The following SNTG1 variants were observed in gnomAD, a reference collection of about 807,000 sequenced individuals.
SNTG1 encodes syntrophin gamma 1.
Under a neutral mutation model 74.7 loss-of-function variants are expected in SNTG1, and 39 were observed. That is an observed-to-expected ratio of 0.52 (90% CI 0.40 to 0.68). The LOEUF is 0.68. Ranked by LOEUF, SNTG1 falls within the 30% of genes least tolerant of loss-of-function variation. The probability of loss-of-function intolerance (pLI) is 0.00; values close to 1 mark genes in which losing one functional copy is unlikely to be tolerated. For synonymous variants in SNTG1, 254 were observed against 217.1 expected (o/e 1.17, Z -1.49); for missense variants, 685 against 609.5 (o/e 1.12, Z -1.30).
intron 15 of SNTG1, among the ~76,000 whole-genome samples, chr8:50,689,089 A>T (rs6983779): frequency 7.2e-6 from 1 of 138,460 alleles, no homozygotes; most frequent in South Asian, 2.6e-4. Flanking sequence ...AATGTTTGTG[A>T]ACATTGATTT....
At chr8:50,302,108 C>G (rs1219376981) in intron 2 of SNTG1, among the ~76,000 whole-genome samples, 1 of 152,090 alleles carries the variant, frequency 6.6e-6, no homozygotes, top group African/African-American at 2.4e-5. Context: ...TTTAAGCATG[C>G]TTTCCAGGGA....
At chr8:50,132,210 GAA>G (rs888462768) in intron 1 of SNTG1, among the ~76,000 whole-genome samples, 15 of 151,994 alleles carry the variant, frequency 9.9e-5, no homozygotes, top group African/African-American at 3.1e-4. Context: ...CTATTTCTGT[GAA>G]AAAGTCATAT....
chr8:50,152,320 C>G (rs201652696), intron 1 of SNTG1, among the ~76,000 whole-genome samples: 1 of 152,198 alleles, frequency 6.6e-6, no homozygotes, highest in African/African-American at 2.4e-5. Flanking sequence ...TGAGATGGGT[C>G]TCCTGAATAC....
intron 1 of SNTG1, among the ~76,000 whole-genome samples, chr8:49,928,224 G>GT (rs1226680694): frequency 1.5e-4 from 7 of 45,422 alleles, no homozygotes; most frequent in Non-Finnish European, 2.8e-4. Flanking sequence ...TGTCCATGCA[G>GT]TTTTTTTGTT....
chr8:50,134,255 G>A (rs1052416281), intron 1 of SNTG1, among the ~76,000 whole-genome samples: 1 of 152,172 alleles, frequency 6.6e-6, no homozygotes, highest in Non-Finnish European at 1.5e-5. Context: ...TATAGCAAGA[G>A]CACTGAAAGT....
At chr8:50,178,866 T>A (rs1266654610) in intron 2 of SNTG1, among the ~76,000 whole-genome samples, 1 of 152,234 alleles carries the variant, frequency 6.6e-6, no homozygotes, top group Non-Finnish European at 1.5e-5. Context: ...TGCTTATTTT[T>A]ACTTTTGCTG....
chr8:50,781,470 G>C (rs543124376), intron 18 of SNTG1, among the ~76,000 whole-genome samples: 110 of 140,902 alleles, frequency 7.8e-4, no homozygotes, highest in Non-Finnish European at 1.6e-3. Flanking sequence ...GGCCTTCTTT[G>C]TCTCTTTTGA....
chr8:49,967,486 T>C (rs1811251756), intron 1 of SNTG1, among the ~76,000 whole-genome samples: 2 of 152,226 alleles, frequency 1.3e-5, no homozygotes, highest in African/African-American at 4.8e-5. Context: ...GTGATGCAAG[T>C]TTTTCATCTG....
intron 2 of SNTG1, among the ~76,000 whole-genome samples, chr8:50,230,710 G>T (rs1285124284): frequency 6.6e-6 from 1 of 151,180 alleles, no homozygotes; most frequent in Non-Finnish European, 1.5e-5. Context: ...CAAAAAATCA[G>T]CCTGGACCCT....
At chr8:50,014,411 C>T (rs752482963) in intron 1 of SNTG1, among the ~76,000 whole-genome samples, 23 of 151,634 alleles carry the variant, frequency 1.5e-4, no homozygotes, top group Non-Finnish European at 2.4e-4. Flanking sequence ...GTTGGGAAAA[C>T]GGAGCCTGGC....
intron 17 of SNTG1, among the ~76,000 whole-genome samples, chr8:50,743,978 G>C (rs1194418348): frequency 2.1e-5 from 3 of 141,398 alleles, no homozygotes; most frequent in Non-Finnish European, 4.5e-5. Flanking sequence ...GAGAGAGAGA[G>C]AGGAGGTGAC....
At chr8:50,008,702 C>T (rs1474205542) in intron 1 of SNTG1, among the ~76,000 whole-genome samples, 2 of 152,130 alleles carry the variant, frequency 1.3e-5, no homozygotes, top group Non-Finnish European at 2.9e-5. Context: ...TGATTTAATC[C>T]TTCCTACAGC....
intron 13 of SNTG1, among the ~76,000 whole-genome samples, chr8:50,617,839 C>G (rs191977469): frequency 6.6e-6 from 1 of 152,172 alleles, no homozygotes; most frequent in South Asian, 2.1e-4. Flanking sequence ...ATACCATAAC[C>G]GATTAGGTCA....
intron 2 of SNTG1, among the ~76,000 whole-genome samples, chr8:50,264,805 T>C (rs1700125698): frequency 6.6e-6 from 1 of 152,022 alleles, no homozygotes; most frequent in African/African-American, 2.4e-5. Context: ...GAGAACATCA[T>C]TACTGAGCTT....
intron 18 of SNTG1, among the ~76,000 whole-genome samples, chr8:50,759,528 G>T (rs1440435949): frequency 6.6e-6 from 1 of 151,932 alleles, no homozygotes; most frequent in Non-Finnish European, 1.5e-5. Flanking sequence ...TCTGCATATG[G>T]CTAGCCAGTT....
chr8:50,118,475 G>T (rs1476537383), intron 1 of SNTG1, among the ~76,000 whole-genome samples: 11 of 152,138 alleles, frequency 7.2e-5, no homozygotes, highest in Non-Finnish European at 1.2e-4. Flanking sequence ...GTCCCTATGA[G>T]GTAGATAATA....
intron 1 of SNTG1, among the ~76,000 whole-genome samples, chr8:49,991,882 G>A (rs568372899): frequency 1.4e-4 from 22 of 152,242 alleles, no homozygotes; most frequent in African/African-American, 5.1e-4. Context: ...TAGCTGTGAT[G>A]TTTGCACAAC....
intron 2 of SNTG1, among the ~76,000 whole-genome samples, chr8:50,296,957 G>A (rs1398919746): frequency 6.6e-6 from 1 of 152,134 alleles, no homozygotes. Flanking sequence ...CTGGAGATTT[G>A]TTGTTCATCA....
chr8:50,402,165 C>G, intron 3 of SNTG1, 45 bp from the exon 4 acceptor site: 1 of 1,570,486 alleles, frequency 6.4e-7, no homozygotes, highest in Admixed American at 2.0e-5. Context: ...AACCTATAAA[C>G]TAAGTATAAT....
Sources: gnomAD v4.1 joint callset for allele counts (sites outside exome capture counted in the v4.1 genomes callset) on GRCh38, gnomAD v4.1.1 for gene constraint, MANE v1.5 for transcripts, NCBI Gene and HGNC (gene_info 2026-07-23, HGNC 2026-07-21) for gene names.